The following DPP6 variants were observed in gnomAD, a reference collection of about 807,000 sequenced individuals.
The protein encoded by DPP6 is A-type potassium channel modulatory protein DPP6.
In DPP6, 69 loss-of-function variants were observed where a neutral mutation model predicts 122.6. The ratio of observed to expected loss-of-function variants is 0.56; its 90% CI spans 0.46 to 0.69. DPP6 has a LOEUF of 0.69. DPP6 is among the 30% of genes least tolerant of loss of function. The pLI, the probability that DPP6 is intolerant of heterozygous loss-of-function variation, is 0.00. For missense variants in DPP6, 928 were observed against 1,116.9 expected (o/e 0.83, Z 2.41); for synonymous variants, 418 against 433.1 (o/e 0.97, Z 0.43).
chr7:153,943,359 G>A (rs1431045944), intron 1 of DPP6, among the ~76,000 whole-genome samples: 3 of 152,158 alleles, frequency 2.0e-5, no homozygotes, highest in Non-Finnish European at 4.4e-5. Context: ...AGAGTGACTT[G>A]TCTTGGAAAT....
At chr7:154,850,363 A>T (rs1207597083) in intron 16 of DPP6, among the ~76,000 whole-genome samples, 2 of 151,094 alleles carry the variant, frequency 1.3e-5, no homozygotes, top group African/African-American at 4.9e-5. Context: ...GGATTTTTGC[A>T]TTTATGTTCA....
At chr7:154,463,893 TAGA>T (rs568672033) in intron 2 of DPP6, among the ~76,000 whole-genome samples, 80 of 152,210 alleles carry the variant, frequency 5.3e-4, no homozygotes, top group African/African-American at 1.8e-3. Context: ...GAGTCTCTCC[TAGA>T]GCTGCAAGCT....
At chr7:154,589,899 G>A (rs963277447) in intron 5 of DPP6, among the ~76,000 whole-genome samples, 4 of 152,158 alleles carry the variant, frequency 2.6e-5, no homozygotes, top group African/African-American at 4.8e-5. Context: ...AAGTAATGAC[G>A]GAAGTAATCG....
At chr7:154,225,867 GAGTC>G (rs1426705232) in intron 1 of DPP6, among the ~76,000 whole-genome samples, 1 of 152,088 alleles carries the variant, frequency 6.6e-6, no homozygotes, top group Non-Finnish European at 1.5e-5. Context: ...TCTCTCTGTG[GAGTC>G]AGTAATACTT....
chr7:153,979,242 C>T (rs1371740108), intron 1 of DPP6, among the ~76,000 whole-genome samples: 3 of 152,056 alleles, frequency 2.0e-5, no homozygotes, highest in Admixed American at 6.5e-5. Flanking sequence ...TGTAGTTCTC[C>T]TTGAAGAGGT....
At chr7:154,637,417 C>A (rs866443856) in intron 5 of DPP6, among the ~76,000 whole-genome samples, 1 of 152,208 alleles carries the variant, frequency 6.6e-6, no homozygotes, top group African/African-American at 2.4e-5. Flanking sequence ...CTGGTGGACC[C>A]CTTCCCATAA....
At chr7:154,718,352 GT>G (rs1260854558) in intron 7 of DPP6, among the ~76,000 whole-genome samples, 3 of 152,066 alleles carry the variant, frequency 2.0e-5, no homozygotes, top group Non-Finnish European at 2.9e-5. Context: ...TATTTCCACT[GT>G]GCTTTCTTCT....
At chr7:154,309,933 ACT>A (rs142787358) in intron 1 of DPP6, among the ~76,000 whole-genome samples, 6,832 of 152,182 alleles carry the variant, frequency 0.045, 177 homozygotes, top group Middle Eastern at 0.1. Flanking sequence ...ATTATCTAAG[ACT>A]CTGTAGATAA....
At chr7:154,338,372 G>C (rs1809616539) in intron 1 of DPP6, among the ~76,000 whole-genome samples, 1 of 152,150 alleles carries the variant, frequency 6.6e-6, no homozygotes. Context: ...ATAAAAGCTT[G>C]TAAAGCATCA....
chr7:154,566,740 C>A, intron 4 of DPP6, 102 bp from the exon 5 acceptor site: 2 of 652,424 alleles, frequency 3.1e-6, no homozygotes, highest in Admixed American at 3.2e-5. Flanking sequence ...ATTTTAATAG[C>A]TAATTAATTT....
chr7:154,679,511 C>T (rs3823517), intron 7 of DPP6, among the ~76,000 whole-genome samples: 48,774 of 151,934 alleles, frequency 0.32, 7,919 homozygotes, highest in South Asian at 0.46. Context: ...TCGCCTCCTC[C>T]TACAAGTTAC....
intron 1 of DPP6, among the ~76,000 whole-genome samples, chr7:153,910,370 T>C (rs979885846): frequency 6.6e-6 from 1 of 151,860 alleles, no homozygotes; most frequent in Non-Finnish European, 1.5e-5. Context: ...GCTGGGACTA[T>C]AGGCACGAGC....
chr7:154,428,272 C>A (rs1219958291), intron 1 of DPP6, among the ~76,000 whole-genome samples: 4 of 152,152 alleles, frequency 2.6e-5, no homozygotes, highest in African/African-American at 9.7e-5. Flanking sequence ...GACTTCTAGG[C>A]ATAGAAAAAT....
intron 1 of DPP6, among the ~76,000 whole-genome samples, chr7:154,423,033 C>G (rs763015299): frequency 2.6e-5 from 4 of 152,158 alleles, no homozygotes; most frequent in Non-Finnish European, 5.9e-5. Context: ...AGTTCACATC[C>G]TAAGAGTGTG....
At chr7:153,906,441 A>AT (rs1563221695) in intron 1 of DPP6, among the ~76,000 whole-genome samples, 1 of 151,998 alleles carries the variant, frequency 6.6e-6, no homozygotes, top group East Asian at 1.9e-4. Flanking sequence ...ATAAGTGAGG[A>AT]TGTGTGGCTT....
At chr7:153,872,176 T>A in the DPP6 span, among the ~76,000 whole-genome samples, 6 of 152,222 alleles carry the variant, frequency 3.9e-5, no homozygotes, top group Non-Finnish European at 7.3e-5. Context: ...CCATTTGTAT[T>A]AGCATCAACT....
chr7:154,776,858 G>A (rs1277314835), intron 10 of DPP6, among the ~76,000 whole-genome samples: 1 of 152,176 alleles, frequency 6.6e-6, no homozygotes, highest in East Asian at 1.9e-4. Flanking sequence ...TGAACCCTAA[G>A]CCATGCCCCT....
intron 1 of DPP6, among the ~76,000 whole-genome samples, chr7:154,183,834 C>G (rs1180977263): frequency 6.6e-6 from 1 of 152,228 alleles, no homozygotes; most frequent in Non-Finnish European, 1.5e-5. Context: ...CACTCAGCAC[C>G]GGGACTGTCA....
intron 3 of DPP6, among the ~76,000 whole-genome samples, chr7:154,487,895 A>G (rs1388461083): frequency 1.3e-5 from 2 of 152,122 alleles, no homozygotes; most frequent in Non-Finnish European, 2.9e-5. Context: ...TGACTCATCA[A>G]TCTTTTGCCC....
Sources: allele counts gnomAD v4.1 joint callset (sites outside exome capture counted in the v4.1 genomes callset), GRCh38; gene constraint gnomAD v4.1.1; transcripts MANE v1.5; gene names NCBI Gene and HGNC (gene_info 2026-07-23, HGNC 2026-07-21).